The following DNAH14 variants were observed in gnomAD, a reference collection of about 807,000 sequenced individuals.
DNAH14 encodes axonemal beta dynein heavy chain 14.
DNAH14 carries 478 observed loss-of-function variants against 520.9 expected under a neutral mutation model. That is an observed-to-expected ratio of 0.92 (90% CI 0.85 to 0.99). The LOEUF is 0.99. DNAH14 is among the 50% of genes least tolerant of loss of function. The pLI is 0.00. For missense variants in DNAH14, 4,831 were observed against 5,234.5 expected, an observed-to-expected ratio of 0.92 and a Z score of 2.38; for synonymous variants, 1,581 against 1,757.2, an observed-to-expected ratio of 0.90 and a Z score of 2.51.
chr1:225,298,081 G>T (rs1240847369), intron 55 of DNAH14, among the ~76,000 whole-genome samples: 1 of 152,274 alleles, frequency 6.6e-6, no homozygotes, highest in Admixed American at 6.5e-5. Context: ...CTGAGATATG[G>T]GTTCATGGCT....
chr1:225,338,338 T>A, intron 68 of DNAH14, 156 bp downstream of exon 68: 1 of 932,334 alleles, frequency 1.1e-6, no homozygotes, highest in South Asian at 1.4e-5. Flanking sequence ...GCAGTAGTAT[T>A]CATCAGTATA....
intron 73 of DNAH14, among the ~76,000 whole-genome samples, chr1:225,354,785 A>G (rs1487190832): frequency 2.6e-5 from 4 of 152,170 alleles, no homozygotes; most frequent in Non-Finnish European, 2.9e-5. Flanking sequence ...CTCTCATCTC[A>G]TTTAAATTCC....
intron 64 of DNAH14, among the ~76,000 whole-genome samples, chr1:225,327,338 T>C (rs1282184543): frequency 6.6e-6 from 1 of 151,172 alleles, no homozygotes. Context: ...ATTTTTTTTA[T>C]TTTTAGTAGA....
intron 18 of DNAH14, 62 bp from the exon 19 acceptor site, chr1:225,080,317 A>G (rs568729133): frequency 7.0e-7 from 1 of 1,428,358 alleles, no homozygotes; most frequent in East Asian, 2.5e-5. Flanking sequence ...TTTCACTGCC[A>G]GTAAAACAGT....
intron 77 of DNAH14, among the ~76,000 whole-genome samples, chr1:225,374,226 TA>T (rs1410967521): frequency 8.4e-5 from 3 of 35,708 alleles, no homozygotes; most frequent in Non-Finnish European, 1.7e-4. Context: ...ACAAATGAAA[TA>T]TATATAATAT....
intron 41 of DNAH14, among the ~76,000 whole-genome samples, chr1:225,208,585 T>C (rs1468898557): frequency 6.6e-6 from 1 of 152,098 alleles, no homozygotes; most frequent in African/African-American, 2.4e-5. Context: ...CAGAAAGATA[T>C]AGTAAAAATA....
chr1:225,110,907 A>G (rs1302847995), intron 23 of DNAH14, among the ~76,000 whole-genome samples: 1 of 152,102 alleles, frequency 6.6e-6, no homozygotes, highest in East Asian at 1.9e-4. Flanking sequence ...CATATGGTTT[A>G]AATTCCATGT....
In DNAH14 at chr1:225,340,438, G is replaced by A. The variant is rs944783537; in HGVS notation, c.10434-19G>A. 3 of 1,511,740 alleles carry A rather than the reference G, an allele frequency of 2.0e-6. No homozygotes were observed. Among genetic ancestry groups the A allele is most frequent in the Non-Finnish European group, 2.7e-6 (3 of 1,121,392 alleles). 93.6% of individuals were successfully genotyped at this position (1,511,740 alleles called of 1,614,324 possible). A position where few individuals can be genotyped will look rare whatever the true frequency, so the allele number is the denominator to read the frequency against. Reference sequence around the variant, plus strand: ...CTTCTACATGTTCTTTGAATAACTGGTGCCTTTCTCATGTTCAGGTTATAC... The same window carrying A: ...CTTCTACATGTTCTTTGAATAACTGATGCCTTTCTCATGTTCAGGTTATAC... On this transcript the variant is annotated intron_variant, in intron 68 of 85. Coordinates refer to ENST00000682510, the MANE Select transcript of DNAH14 (RefSeq NM_001367479.1).
intron 36 of DNAH14, among the ~76,000 whole-genome samples, chr1:225,172,458 A>G (rs554261467): frequency 6.6e-6 from 1 of 152,310 alleles, no homozygotes; most frequent in Non-Finnish European, 1.5e-5. Context: ...AAGCATTCTT[A>G]TACACCAATA....
At position 225,240,738 on chromosome 1, in the gene DNAH14, A is replaced by G. The variant is rs1219607343; in HGVS notation, c.6664A>G (p.Ser2222Gly). 5 of 1,550,806 alleles carry G rather than the reference A, an allele frequency of 3.2e-6. No individual in the cohort carries two copies. The highest frequency in any genetic ancestry group is 3.5e-6 in the Non-Finnish European group (4 of 1,146,394). Residue 2222 changes from serine (S) to glycine (G), a missense_variant, in exon 43 of 86, where the codon AGT becomes GGT. Coordinates refer to ENST00000682510, the MANE Select transcript of DNAH14 (RefSeq NM_001367479.1). ...EHRENIPFCP[S>G]LEPDSLAKVT... Reference sequence around the variant, plus strand: ...CAGAGAAAATATACCATTTTGTCCCAGTCTTGAACCTGATTCTCTTGCAAA... The same window carrying G: ...CAGAGAAAATATACCATTTTGTCCCGGTCTTGAACCTGATTCTCTTGCAAA...
chr1:224,975,584 A>AT (rs941509562), intron 8 of DNAH14, among the ~76,000 whole-genome samples: 1 of 151,182 alleles, frequency 6.6e-6, no homozygotes, highest in African/African-American at 2.4e-5. Flanking sequence ...CCCCTTTATC[A>AT]TTTTTTATTG....
At chr1:225,007,286 A>C (rs891482541) in intron 9 of DNAH14, 127 bp from the exon 10 acceptor site, 2 of 633,014 alleles carry the variant, frequency 3.2e-6, no homozygotes, top group South Asian at 4.9e-5. Flanking sequence ...TGTAAGTCAT[A>C]TAGGATATAC....
chr1:225,113,788 G>A (rs767650655), intron 23 of DNAH14, among the ~76,000 whole-genome samples: 6 of 152,118 alleles, frequency 3.9e-5, no homozygotes, highest in South Asian at 2.1e-4. Context: ...GAGTACTGCC[G>A]GGGTACCGCT....
At chr1:225,210,735 C>T (rs1298353351) in intron 41 of DNAH14, among the ~76,000 whole-genome samples, 7 of 152,184 alleles carry the variant, frequency 4.6e-5, no homozygotes, top group Non-Finnish European at 1.5e-5. Context: ...GGCCAACAAA[C>T]ACCTCATACA....
intron 17 of DNAH14, among the ~76,000 whole-genome samples, chr1:225,068,499 T>C (rs978329538): frequency 3.3e-5 from 5 of 152,170 alleles, no homozygotes; most frequent in African/African-American, 1.2e-4. Context: ...TCAATGGTAG[T>C]TTAATGGAAA....
intron 9 of DNAH14, among the ~76,000 whole-genome samples, chr1:225,003,195 A>G (rs1431628492): frequency 6.6e-6 from 1 of 152,004 alleles, no homozygotes; most frequent in East Asian, 1.9e-4. Flanking sequence ...AATATGATTT[A>G]AAATAATCAG....
chr1:225,003,043 G>T (rs542948107), intron 9 of DNAH14, 116 bp downstream of exon 9: 105 of 905,884 alleles, frequency 1.2e-4, no homozygotes, highest in Non-Finnish European at 1.4e-4. Flanking sequence ...CATCTCTTTC[G>T]ATTACTACCG....
At chr1:225,107,603 C>T (rs371156235) in intron 23 of DNAH14, among the ~76,000 whole-genome samples, 36 of 152,234 alleles carry the variant, frequency 2.4e-4, no homozygotes, top group African/African-American at 7.5e-4. Flanking sequence ...CTCCCCTGTA[C>T]GGAGACAGAG....
chr1:225,141,046 C>T (rs966959131), intron 28 of DNAH14, 25 bp downstream of exon 28: 4 of 1,495,166 alleles, frequency 2.7e-6, no homozygotes, highest in Non-Finnish European at 3.6e-6. Flanking sequence ...ATTATAACTA[C>T]ATACAATAAC....
Sources: gnomAD v4.1 joint callset for allele counts (sites outside exome capture counted in the v4.1 genomes callset) on GRCh38, gnomAD v4.1.1 for gene constraint, MANE v1.5 for transcripts, NCBI Gene and HGNC (gene_info 2026-07-23, HGNC 2026-07-21) for gene names.